The following GMPPA variants were observed in gnomAD, a reference collection of about 807,000 sequenced individuals.
GMPPA encodes the protein mannose-1-phosphate guanylyltransferase regulatory subunit alpha.
GMPPA carries 46 observed loss-of-function variants against 58.6 expected under a neutral mutation model. That is an observed-to-expected ratio of 0.78 (90% CI 0.62 to 1.00). The LOEUF (loss-of-function observed/expected upper bound fraction) is 1.00. Among genes scored for constraint, GMPPA ranks in the 50% least tolerant of loss-of-function variants. The probability of loss-of-function intolerance (pLI) is 0.00; values close to 1 mark genes in which losing one functional copy is unlikely to be tolerated. For synonymous variants in GMPPA, 211 were observed against 214.9 expected (o/e 0.98, Z 0.16); for missense variants, 468 against 556.4 (o/e 0.84, Z 1.60).
At chr2:219,506,212 C>A in intron 11 of GMPPA, 42 bp from the exon 12 acceptor site, 2 of 1,572,198 alleles carry the variant, frequency 1.3e-6, no homozygotes, top group African/African-American at 1.3e-5. Flanking sequence ...TTCCTGCTGC[C>A]TCCTGCCTCT....
chr2:219,503,078 C>T (rs989805003), intron 6 of GMPPA, among the ~76,000 whole-genome samples: 4 of 152,104 alleles, frequency 2.6e-5, no homozygotes, highest in Non-Finnish European at 5.9e-5. Flanking sequence ...AAGCCATCCT[C>T]CCACTTCAGC....
rs368738474 is a variant in GMPPA, at chr2:219,505,448, C to T, written c.756-10C>T. ...GACCCCTGAGCCCCTGTCCCCCTTGCGGTCCCCAGTTCAGCCCTCTACGCC... is the reference window on the plus strand; with the variant it reads ...GACCCCTGAGCCCCTGTCCCCCTTGTGGTCCCCAGTTCAGCCCTCTACGCC... On this transcript the variant is annotated splice_polypyrimidine_tract_variant and intron_variant, in intron 8 of 12. Coordinates refer to ENST00000313597, the MANE Select transcript of GMPPA (RefSeq NM_013335.4). 1.3e-4 allele frequency: 209 copies of T among 1,585,362 alleles called. 2 individuals are homozygous for T. The African/African-American group carries it at 2.1e-3, about 16-fold the overall frequency.
rs543644921 is a variant in GMPPA, at chr2:219,499,770, G to T, written c.-20-186G>T. The T allele has an allele frequency of 1.4e-5, 9 of 628,550 alleles. No homozygotes were observed. The East Asian group carries it at 2.4e-4, about 17-fold the overall frequency. The allele number at this position is 628,550 out of a possible 1,614,324, so 38.9% of individuals were successfully genotyped here. Reference sequence around the variant, plus strand: ...GGGGTTTGGGGTTTGGTTGGGGTGTGAGATCTGAGCTTGATTTCTCTGCTG... The same window carrying T: ...GGGGTTTGGGGTTTGGTTGGGGTGTTAGATCTGAGCTTGATTTCTCTGCTG... On this transcript the variant is annotated intron_variant, in intron 1 of 12. Coordinates refer to ENST00000313597, the MANE Select transcript of GMPPA (RefSeq NM_013335.4).
intron 7 of GMPPA, chr2:219,504,813 C>T (rs1002119517): frequency 1.1e-5 from 11 of 1,038,984 alleles, no homozygotes; most frequent in Non-Finnish European, 1.2e-5. Flanking sequence ...TCTACCATCT[C>T]TCTCTCCCTT....
In GMPPA at chr2:219,501,558, A is replaced by G. The variant is rs758514747; in HGVS notation, c.221A>G (p.Gln74Arg). The change falls in exon 4 of 13, where the codon CAG becomes CGG. Residue 74 changes from glutamine (Q) to arginine (R), a missense_variant. Transcript: ENST00000313597. ...PLTQFLEAAQ[Q>R]EFNLPVRYLQ... is the part of the protein sequence containing the mutation. Reference sequence around the variant, plus strand: ...ACCCAGTTCCTAGAAGCCGCCCAGCAGGAGTTTAACCTTCCAGTCAGGTGT... The same window carrying G: ...ACCCAGTTCCTAGAAGCCGCCCAGCGGGAGTTTAACCTTCCAGTCAGGTGT... The G allele has an allele frequency of 1.1e-5, 18 of 1,610,468 alleles. No individual in the cohort carries two copies. Among genetic ancestry groups the G allele is most frequent in the Non-Finnish European group, 1.5e-5 (18 of 1,176,742 alleles).
intron 3 of GMPPA, chr2:219,501,092 G>C (rs1351121591): frequency 5.8e-6 from 1 of 171,830 alleles, no homozygotes. Context: ...TGATGGCCTG[G>C]CTGTAGTCCT....
intron 12 of GMPPA, 81 bp downstream of exon 12, chr2:219,506,503 T>C: frequency 7.3e-7 from 1 of 1,370,576 alleles, no homozygotes; most frequent in South Asian, 1.3e-5. Context: ...TTCCTCTGTG[T>C]GCACGCGTGT....
Position 219,506,768 on chromosome 2 carries a change from C to G in GMPPA, c.1233C>G (p.Ser411Arg). 6.3e-7 allele frequency: 1 copy of G among 1,592,182 alleles called. No individual in the cohort carries two copies. The highest frequency in any genetic ancestry group is 1.1e-5 in the South Asian group (1 of 90,638). ...TTGTTCTGCCACACAAGGAGCTGAG[C>G]CGAAGCTTCACCAACCAGATCATCC... is the stretch of plus-strand genomic sequence containing the variant. ...NSIVLPHKEL[S>R]RSFTNQIIL Residue 411 changes from serine (S) to arginine (R), a missense_variant, in exon 13 of 13, where the codon AGC becomes AGG. Ser to Arg is a moderately radical substitution (Grantham distance 110). Coordinates refer to ENST00000313597, the MANE Select transcript of GMPPA (RefSeq NM_013335.4).
rs1288431793 is a variant in GMPPA at position 219,499,866 on chromosome 2, T to C, written c.-20-90T>C. On this transcript the variant is annotated intron_variant, in intron 1 of 12. Coordinates refer to ENST00000313597, the MANE Select transcript of GMPPA (RefSeq NM_013335.4). ...GACTATATTGAGCTTTGGGTTTACATCTTGGGAGAGGGCTAAGTGTTGCTA... is the reference window on the plus strand; with the variant it reads ...GACTATATTGAGCTTTGGGTTTACACCTTGGGAGAGGGCTAAGTGTTGCTA... 7.4e-6 allele frequency: 7 copies of C among 945,296 alleles called. No homozygotes were observed. In the East Asian group the frequency reaches 1.4e-4, roughly 19 times the overall value. 58.6% of individuals were successfully genotyped at this position (945,296 alleles called of 1,614,324 possible). A position where few individuals can be genotyped will look rare whatever the true frequency, so the allele number is the denominator to read the frequency against.
In GMPPA at chr2:219,505,328, A is replaced by T; in HGVS notation, c.721A>T (p.Thr241Ser). The T allele has an allele frequency of 6.2e-7, 1 of 1,612,160 alleles. No individual in the cohort carries two copies. Reference sequence around the variant, plus strand: ...GCAGGGCCAGATATACGTGCATCTCACTGATGGTATCTGGAGTCAGATCAA... The same window carrying T: ...GCAGGGCCAGATATACGTGCATCTCTCTGATGGTATCTGGAGTCAGATCAA... ...AGQGQIYVHL[T>S]DGIWSQIKSA... The change falls in exon 8 of 13, where the codon ACT becomes TCT. Residue 241 changes from threonine to serine, a missense_variant. By Grantham distance (58) the Thr-to-Ser change is moderately conservative. Coordinates refer to ENST00000313597, the MANE Select transcript of GMPPA (RefSeq NM_013335.4).
In GMPPA at chr2:219,502,040, G is replaced by A. The variant is rs1694413175; in HGVS notation, c.429+3G>A. 1.2e-6 allele frequency: 2 copies of A among 1,613,924 alleles called. No homozygotes were observed. Among genetic ancestry groups the A allele is most frequent in the African/African-American group, 2.7e-5 (2 of 74,936 alleles). On this transcript the variant is annotated splice_donor_region_variant and intron_variant, in intron 5 of 12. Transcript: ENST00000313597. The surrounding 1 kb of genome is among the most constrained non-coding windows in gnomAD (Gnocchi z 4.0). Reference sequence around the variant, plus strand: ...CTTTCTTACTCCTTGGCACTACGGTGAGGGGGTCAGGAGGGCTGGAGGGTG... The same window carrying A: ...CTTTCTTACTCCTTGGCACTACGGTAAGGGGGTCAGGAGGGCTGGAGGGTG...
chr2:219,506,370 C>G lies in GMPPA; in HGVS notation c.1110C>G (p.Asp370Glu), dbSNP rs1694592941. The change falls in exon 12 of 13, where the codon GAC becomes GAG. Residue 370 changes from aspartate to glutamate, a missense_variant. Transcript: ENST00000313597. Reference sequence around the variant, plus strand: ...CCAACGATCCCCGAGCCCGCATGGACAGTGAGAGCCTCTTCAAGGACGGGA... The same window carrying G: ...CCAACGATCCCCGAGCCCGCATGGAGAGTGAGAGCCTCTTCAAGGACGGGA... ...PNPNDPRARM[D>E]SESLFKDGKL... The G allele has an allele frequency of 6.2e-7, 1 of 1,613,634 alleles. No individual in the cohort carries two copies. Among genetic ancestry groups the G allele is most frequent in the Non-Finnish European group, 8.5e-7 (1 of 1,179,986 alleles).
At chr2:219,503,527 C>G (rs1694472252) in intron 6 of GMPPA, among the ~76,000 whole-genome samples, 1 of 152,178 alleles carries the variant, frequency 6.6e-6, no homozygotes, top group African/African-American at 2.4e-5. Context: ...TAGTTTTGTG[C>G]TCAGCACCAG....
At position 219,505,971 on chromosome 2, in the gene GMPPA, T is replaced by G; in HGVS notation, c.901-9T>G. On this transcript the variant is annotated splice_polypyrimidine_tract_variant and intron_variant, in intron 10 of 12. Transcript: ENST00000313597. ...CTCCAGGGCTTATGGTGTGTGCTTC[T>G]CTCCACAGCTGGGCCCCAACGTCTC... is the stretch of plus-strand genomic sequence containing the variant. The G allele has an allele frequency of 6.4e-7, 1 of 1,551,040 alleles. No individual in the cohort carries two copies. The highest frequency in any genetic ancestry group is 8.8e-7 in the Non-Finnish European group (1 of 1,141,156).
chr2:219,506,182 C>G, intron 11 of GMPPA, 72 bp from the exon 12 acceptor site: 1 of 1,515,454 alleles, frequency 6.6e-7, no homozygotes, highest in Non-Finnish European at 9.0e-7. Context: ...CTGCATCTGG[C>G]CACACCTCAC....
chr2:219,499,913 G>C (rs1317368963), intron 1 of GMPPA, 43 bp from the exon 2 acceptor site: 2 of 1,500,630 alleles, frequency 1.3e-6, no homozygotes, highest in African/African-American at 2.8e-5. Context: ...GGGCTTGGTT[G>C]GGGTAGGAGA....
In GMPPA at chr2:219,506,896, C is replaced by T; in HGVS notation, c.*98C>T. The stretch of plus-strand genomic sequence containing the variant: ...CCAGAAAGGACCAGAGAAAGCCAGG[C>T]TGGATCGTCACATGCCGGGGAGCAA... On this transcript the variant is annotated 3_prime_UTR_variant, in exon 13 of 13. Transcript: ENST00000313597. 1.4e-6 allele frequency: 1 copy of T among 696,650 alleles called. No individual in the cohort carries two copies. Among genetic ancestry groups the T allele is most frequent in the Non-Finnish European group, 2.6e-6 (1 of 380,294 alleles). The allele number at this position is 696,650 out of a possible 1,614,324, so 43.2% of individuals were successfully genotyped here. A position where few individuals can be genotyped will look rare whatever the true frequency, so the allele number is the denominator to read the frequency against.
chr2:219,506,591 G>T, intron 12 of GMPPA, 107 bp from the exon 13 acceptor site: 1 of 940,100 alleles, frequency 1.1e-6, no homozygotes, highest in South Asian at 1.5e-5. Flanking sequence ...ATGAGACCAG[G>T]GGCACAGATG....
chr2:219,502,298 C>A lies in GMPPA; in HGVS notation c.430-84C>A. 1 of 1,204,932 alleles carries A rather than the reference C, an allele frequency of 8.3e-7. No individual in the cohort carries two copies. The highest frequency in any genetic ancestry group is 1.2e-6 in the Non-Finnish European group (1 of 813,178). 74.6% of individuals were successfully genotyped at this position (1,204,932 alleles called of 1,614,324 possible). A position where few individuals can be genotyped will look rare whatever the true frequency, so the allele number is the denominator to read the frequency against. On this transcript the variant is annotated intron_variant, in intron 5 of 12. Coordinates refer to ENST00000313597, the MANE Select transcript of GMPPA (RefSeq NM_013335.4). The surrounding 1 kb of genome is among the most constrained non-coding windows in gnomAD (Gnocchi z 4.0). Reference sequence around the variant, plus strand: ...CAGTGGCAGAGCTGCATGCCAGGTGCTGTAGCGGAGGGAAAGAAAGAAAAA... The same window carrying A: ...CAGTGGCAGAGCTGCATGCCAGGTGATGTAGCGGAGGGAAAGAAAGAAAAA...
Sources: gnomAD v4.1 joint callset for allele counts (sites outside exome capture counted in the v4.1 genomes callset) on GRCh38, gnomAD v4.1.1 for gene constraint, Gnocchi (gnomAD v3.1) non-coding constraint, MANE v1.5 for transcripts, NCBI Gene and HGNC (gene_info 2026-07-23, HGNC 2026-07-21) for gene names.